The following CLXN variants were observed in gnomAD, a reference collection of about 807,000 sequenced individuals.
The protein encoded by CLXN is EF-hand calcium binding domain 1.
At chr8:48,731,292 CTT>C in the CLXN span, 1 of 1,474,050 alleles carries the variant, frequency 6.8e-7, no homozygotes, top group East Asian at 2.5e-5. Context: ...GCACCAAACC[CTT>C]TTTTTTTCAG....
chr8:48,730,485 G>T, the CLXN span: 2 of 1,208,598 alleles, frequency 1.7e-6, no homozygotes, highest in Non-Finnish European at 2.4e-6. Flanking sequence ...TGATTTAAGT[G>T]CTTTAGATAT....
At chr8:48,732,878 C>T in the CLXN span, among the ~76,000 whole-genome samples, 380 of 152,168 alleles carry the variant, frequency 2.5e-3, 1 homozygote, top group Middle Eastern at 6.8e-3. Flanking sequence ...TATGATTCCT[C>T]TTATATAAGG....
chr8:48,732,616 C>G, the CLXN span, among the ~76,000 whole-genome samples: 1 of 152,126 alleles, frequency 6.6e-6, no homozygotes, highest in Admixed American at 6.5e-5. Context: ...TCCAGGAATT[C>G]TACTTCTATT....
At chr8:48,725,806 AAAATAAATAAATAAAT>A in the CLXN span, among the ~76,000 whole-genome samples, 4 of 149,586 alleles carry the variant, frequency 2.7e-5, no homozygotes, top group South Asian at 2.1e-4. Flanking sequence ...CTCCGTCTCA[AAAATAAATAAATAAAT>A]AAATAAATAA....
the CLXN span, chr8:48,734,753 T>G: frequency 4.1e-5 from 10 of 241,462 alleles, no homozygotes; most frequent in East Asian, 8.5e-5. Flanking sequence ...CTACTTTTCT[T>G]GAGACCAGTT....
the CLXN span, chr8:48,734,680 T>A: frequency 6.2e-6 from 1 of 162,262 alleles, no homozygotes; most frequent in Non-Finnish European, 1.3e-5. Flanking sequence ...TTCCAGAACT[T>A]GGACCTGCGG....
the CLXN span, chr8:48,731,430 C>A: frequency 4.3e-6 from 7 of 1,613,410 alleles, no homozygotes; most frequent in Non-Finnish European, 5.9e-6. Flanking sequence ...GTCCAACAAC[C>A]AGACCTTGCC....
chr8:48,710,965 AC>A, the CLXN span: 3 of 152,108 alleles, frequency 2.0e-5, no homozygotes, highest in Non-Finnish European at 4.4e-5. Flanking sequence ...GTTCCTACCA[AC>A]CTATAATCAC....
chr8:48,723,445 T>G, the CLXN span: 1 of 152,236 alleles, frequency 6.6e-6, no homozygotes, highest in African/African-American at 2.4e-5. Context: ...TTCCATTTAT[T>G]AGTAACAGTG....
the CLXN span, among the ~76,000 whole-genome samples, chr8:48,718,522 C>A: frequency 6.6e-6 from 1 of 152,064 alleles, no homozygotes; most frequent in South Asian, 2.1e-4. Flanking sequence ...ACAGTCTTCC[C>A]AAGCATACAT....
the CLXN span, among the ~76,000 whole-genome samples, chr8:48,730,318 G>C: frequency 5.3e-5 from 8 of 152,110 alleles, no homozygotes; most frequent in African/African-American, 7.2e-5. Flanking sequence ...GTCTTCCTTC[G>C]CATAAATTAC....
chr8:48,730,450 C>A, the CLXN span: 1 of 762,904 alleles, frequency 1.3e-6, no homozygotes, highest in Admixed American at 2.9e-5. Context: ...AACAAACCCA[C>A]TTTACTGTCT....
the CLXN span, among the ~76,000 whole-genome samples, chr8:48,725,660 C>A: frequency 6.6e-6 from 1 of 151,914 alleles, no homozygotes; most frequent in Non-Finnish European, 1.5e-5. Context: ...TAAAATTATC[C>A]GGGCGTGGTG....
At chr8:48,715,109 C>T in the CLXN span, 1 of 152,056 alleles carries the variant, frequency 6.6e-6, no homozygotes. Flanking sequence ...TGTAGATGTA[C>T]TTACAAATGC....
the CLXN span, among the ~76,000 whole-genome samples, chr8:48,718,481 T>C: frequency 7.9e-5 from 12 of 152,120 alleles, no homozygotes; most frequent in Non-Finnish European, 1.5e-4. Context: ...AACAGACATG[T>C]ACAGAACTTT....
chr8:48,721,390 A>C, the CLXN span, among the ~76,000 whole-genome samples: 1 of 152,166 alleles, frequency 6.6e-6, no homozygotes, highest in Admixed American at 6.5e-5. Flanking sequence ...ACCCAAAGTG[A>C]TGTACAGACT....
At chr8:48,732,512 C>A in the CLXN span, among the ~76,000 whole-genome samples, 1 of 152,028 alleles carries the variant, frequency 6.6e-6, no homozygotes, top group Admixed American at 6.5e-5. Flanking sequence ...TAGTAGGAAA[C>A]AATATAATGG....
the CLXN span, chr8:48,715,804 C>T: frequency 3.9e-5 from 6 of 152,306 alleles, no homozygotes; most frequent in South Asian, 8.3e-4. Flanking sequence ...GGTGACTGCT[C>T]CTTCGTGTGT....
the CLXN span, chr8:48,715,348 AC>A: frequency 6.6e-6 from 1 of 152,364 alleles, no homozygotes; most frequent in Non-Finnish European, 1.5e-5. Context: ...CTACTTGCCA[AC>A]AAAAATAGCT....
Sources: gnomAD v4.1 joint callset for allele counts (sites outside exome capture counted in the v4.1 genomes callset) on GRCh38, gnomAD v4.1.1 for gene constraint, MANE v1.5 for transcripts, NCBI Gene and HGNC (gene_info 2026-07-23, HGNC 2026-07-21) for gene names.